FBLN1: variants seen among roughly 807,000 people sequenced by gnomAD.
FBLN1 encodes the protein fibulin-1.
Under a neutral mutation model 89.7 loss-of-function variants are expected in FBLN1, and 34 were observed. That is an observed-to-expected ratio of 0.38 (90% confidence interval 0.29 to 0.50). The LOEUF (loss-of-function observed/expected upper bound fraction) is 0.50. FBLN1 is among the 20% of genes least tolerant of loss of function. The pLI is 0.92. For synonymous variants in FBLN1, 393 were observed against 391.3 expected (o/e 1.00, Z -0.05); for missense variants, 777 against 988.1 (o/e 0.79, Z 2.86).
In FBLN1 at chr22:45,597,160, G is replaced by A. The variant is rs2089194660; in HGVS notation, c.1973-3147G>A. 1.3e-5 allele frequency among the ~76,000 whole-genome samples: 2 copies of A among 151,954 alleles called. No individual in the cohort carries two copies. The highest frequency in any genetic ancestry group is 4.8e-5 in the African/African-American group (2 of 41,376). ...TGGGACTATAAGCACACACCACCAT[G>A]CCTGGCTAATTTTTGTATTTTTTGT... is the stretch of plus-strand genomic sequence containing the variant. On this transcript the variant is annotated intron_variant, in intron 16 of 16. Transcript: ENST00000327858. The surrounding 1 kb of genome is among the most constrained non-coding windows in gnomAD (Gnocchi z 4.2).
Position 45,532,521 on chromosome 22 carries a change from A to G in FBLN1, c.545-542A>G, listed in dbSNP as rs971104433. On this transcript the variant is annotated intron_variant, in intron 5 of 16. Coordinates refer to ENST00000327858, the MANE Select transcript of FBLN1 (RefSeq NM_006486.3). This position sits in a 1 kb window ranked among gnomAD's most constrained non-coding sequence, Gnocchi z 4.2. ...TGAGGCTTATCCTGATGAGATTTGC[A>G]CTCTGAGCATCACTCTGGCCACCCT... Among the ~76,000 whole-genome samples the G allele has an allele frequency of 6.6e-6, 1 of 151,986 alleles. No individual in the cohort carries two copies. Among genetic ancestry groups the G allele is most frequent in the African/African-American group, 2.4e-5 (1 of 41,352 alleles).
rs746341531 is a variant in FBLN1, at chr22:45,542,295, G to A, written c.1195+12G>A. 1.9e-6 allele frequency: 3 copies of A among 1,613,520 alleles called. No individual in the cohort carries two copies. The highest frequency in any genetic ancestry group is 1.7e-5 in the Admixed American group (1 of 60,030). On this transcript the variant is annotated intron_variant, in intron 10 of 16. Coordinates refer to ENST00000327858, the MANE Select transcript of FBLN1 (RefSeq NM_006486.3). ...CAGGATGTGTGTCGGTGCGTGGGGG[G>A]CCCCGCAGGCCTCGGGGGAACCCAG...
In FBLN1 at chr22:45,540,839, C is replaced by T. The variant is rs185304892; in HGVS notation, c.923-390C>T. 1.3e-3 allele frequency among the ~76,000 whole-genome samples: 195 copies of T among 152,354 alleles called. 1 individual carries two copies. Among genetic ancestry groups the T allele is most frequent in the Non-Finnish European group, 2.2e-3 (147 of 68,036 alleles). ...CATAGGCCCTGTGAAGCCCAGTCATCGGAGGGGCCTAGAGCCTTGCTGGGA... is the reference window on the plus strand; with the variant it reads ...CATAGGCCCTGTGAAGCCCAGTCATTGGAGGGGCCTAGAGCCTTGCTGGGA... On this transcript the variant is annotated intron_variant, in intron 8 of 16. Coordinates refer to ENST00000327858, the MANE Select transcript of FBLN1 (RefSeq NM_006486.3).
chr22:45,506,501 G>T (rs937542949), intron 1 of FBLN1, among the ~76,000 whole-genome samples: 7 of 152,198 alleles, frequency 4.6e-5, no homozygotes, highest in African/African-American at 1.7e-4. Context: ...CCAGAAAAAT[G>T]AACTGAGCCC....
In FBLN1 at chr22:45,577,738, G is replaced by A. The variant is rs1344646601; in HGVS notation, c.1972+630G>A. 1.3e-5 allele frequency among the ~76,000 whole-genome samples: 2 copies of A among 152,206 alleles called. No homozygotes were observed. Among genetic ancestry groups the A allele is most frequent in the East Asian group, 3.9e-4 (2 of 5,176 alleles). On this transcript the variant is annotated intron_variant, in intron 16 of 16. Transcript: ENST00000327858. The surrounding 1 kb of genome is among the most constrained non-coding windows in gnomAD (Gnocchi z 6.6). ...TTTGGGGAGCGTGAAGGGAGGCTGG[G>A]GCATGAGGGGACTGTGGAAGTCCTG...
chr22:45,586,225 C>T (rs905476154), intron 16 of FBLN1, among the ~76,000 whole-genome samples: 8 of 152,158 alleles, frequency 5.3e-5, no homozygotes, highest in African/African-American at 1.2e-4. Context: ...ATGTGAGTGC[C>T]GCACTGCACA....
rs970539803 is a variant in FBLN1 at position 45,581,900 on chromosome 22, C to T, written c.1972+4792C>T. 5.3e-5 allele frequency among the ~76,000 whole-genome samples: 8 copies of T among 152,028 alleles called. No individual in the cohort carries two copies. The highest frequency in any genetic ancestry group is 1.7e-4 in the African/African-American group (7 of 41,376). On this transcript the variant is annotated intron_variant, in intron 16 of 16. Transcript: ENST00000327858. The surrounding 1 kb of genome is among the most constrained non-coding windows in gnomAD (Gnocchi z 7.6). ...GGAGCATCCAGGGTGCAGGGAGGGT[C>T]GAGGGGAGGCCGAAAGGGGCTGCAG...
intron 14 of FBLN1, chr22:45,558,297 C>T: frequency 2.2e-6 from 1 of 446,442 alleles, no homozygotes; most frequent in South Asian, 2.8e-5. Flanking sequence ...GCACCCAGTT[C>T]ATGATAGGCA....
Position 45,579,554 on chromosome 22 carries a change from C to T in FBLN1, c.1972+2446C>T, listed in dbSNP as rs1186921129. ...GCCCCAGCCTGGCCCTTGGAATTGT[C>T]GTGCCTGTAGCCCTGTGTGCTGGGG... On this transcript the variant is annotated intron_variant, in intron 16 of 16. Transcript: ENST00000327858. This position sits in a 1 kb window ranked among gnomAD's most constrained non-coding sequence, Gnocchi z 5.5. 1.3e-5 allele frequency among the ~76,000 whole-genome samples: 2 copies of T among 152,196 alleles called. No homozygotes were observed. Among genetic ancestry groups the T allele is most frequent in the Non-Finnish European group, 2.9e-5 (2 of 68,032 alleles).
In FBLN1 at chr22:45,543,505, G is replaced by C; in HGVS notation, c.1300G>C (p.Val434Leu). Residue 434 changes from valine (V) to leucine (L), a missense_variant, in exon 11 of 17, where the codon GTG (valine) becomes CTG (leucine). By Grantham distance (32) the Val-to-Leu change is conservative (BLOSUM62 1). Transcript: ENST00000327858. ...CSCSVGFRLS[V>L]DGRSCEDINE... is the part of the protein sequence containing the mutation. ...CTGTTCCGTGGGCTTCCGGCTCTCT[G>C]TGGATGGCAGGTCATGTGAAGGTGA... 1 of 1,613,748 alleles carries C rather than the reference G, an allele frequency of 6.2e-7. No homozygotes were observed.
intron 12 of FBLN1, among the ~76,000 whole-genome samples, 182 bp downstream of exon 12, chr22:45,547,386 GTTTTTTT>G (rs5845717): frequency 1.9e-5 from 1 of 53,676 alleles, no homozygotes; most frequent in Admixed American, 3.3e-4. Flanking sequence ...TCCAACTGAG[GTTTTTTT>G]TTTTTTTTTT....
At chr22:45,543,741 C>T (rs1400319814) in intron 11 of FBLN1, among the ~76,000 whole-genome samples, 3 of 152,344 alleles carry the variant, frequency 2.0e-5, no homozygotes, top group East Asian at 3.9e-4. Context: ...GAGGCCGTGT[C>T]GGGGTTCATA....
At chr22:45,543,319 A>G (rs2088582174) in intron 10 of FBLN1, 82 bp from the exon 11 acceptor site, 2 of 1,552,710 alleles carry the variant, frequency 1.3e-6, no homozygotes, top group South Asian at 2.3e-5. Context: ...GACAAAGGAC[A>G]TGAGCTGGCC....
At chr22:45,591,573 C>T (rs543933870) in intron 16 of FBLN1, among the ~76,000 whole-genome samples, 76 of 152,234 alleles carry the variant, frequency 5.0e-4, no homozygotes, top group Middle Eastern at 3.4e-3. Flanking sequence ...TTGACTGACA[C>T]TTAGTATTTT....
chr22:45,592,874 A>G (rs946121976), intron 16 of FBLN1, among the ~76,000 whole-genome samples: 2 of 152,100 alleles, frequency 1.3e-5, no homozygotes, highest in African/African-American at 2.4e-5. Flanking sequence ...CTGGCCCCAC[A>G]TGGTGGCCAC....
intron 16 of FBLN1, among the ~76,000 whole-genome samples, chr22:45,593,188 A>C (rs2089154469): frequency 9.7e-6 from 1 of 102,788 alleles, no homozygotes; most frequent in East Asian, 2.7e-4. Flanking sequence ...GACTTTCATC[A>C]TTTGAAACAA....
chr22:45,547,227 AG>A lies in FBLN1; in HGVS notation c.1441+28del, dbSNP rs759324313. The A allele has an allele frequency of 2.5e-6, 4 of 1,612,538 alleles. No individual in the cohort carries two copies. In the East Asian group the frequency reaches 6.7e-5, roughly 27 times the overall value. On this transcript the variant is annotated intron_variant, in intron 12 of 16. Coordinates refer to ENST00000327858, the MANE Select transcript of FBLN1 (RefSeq NM_006486.3). ...AAGGTGCGGACGCCCCTGCCTGCTG[AG>A]GGGGAAAGCACCCCCTGGTCTTGCC...
chr22:45,517,242 TG>T, intron 1 of FBLN1: 1 of 264,592 alleles, frequency 3.8e-6, no homozygotes, highest in East Asian at 1.4e-4. Flanking sequence ...GAAGGAAAAG[TG>T]GTGCTTCTTA....
Position 45,600,450 on chromosome 22 carries a change from C to T in FBLN1, c.*4C>T. 6.2e-7 allele frequency: 1 copy of T among 1,614,178 alleles called. No individual in the cohort carries two copies. The highest frequency in any genetic ancestry group is 8.5e-7 in the Non-Finnish European group (1 of 1,180,028). ...CGTCTCTGAGTACTGGTTCTGAGGG[C>T]TGGTCTGCCGCACAGCCGCAGGTGC... On this transcript the variant is annotated 3_prime_UTR_variant, in exon 17 of 17. Coordinates refer to ENST00000327858, the MANE Select transcript of FBLN1 (RefSeq NM_006486.3).
Sources: allele counts gnomAD v4.1 joint callset (sites outside exome capture counted in the v4.1 genomes callset), GRCh38; gene constraint gnomAD v4.1.1; non-coding constraint Gnocchi (gnomAD v3.1); transcripts MANE v1.5; gene names NCBI Gene and HGNC (gene_info 2026-07-23, HGNC 2026-07-21).